The following NAA11 variants were observed in gnomAD, a reference collection of about 807,000 sequenced individuals.
NAA11 encodes the protein N-alpha-acetyltransferase 11.
In NAA11, 15 loss-of-function variants were observed where a neutral mutation model predicts 16.1. The observed-to-expected ratio is 0.93, with a 90% CI of 0.62 to 1.44. NAA11 has a LOEUF of 1.44. Among genes scored for constraint, NAA11 ranks in the 40% most tolerant of loss-of-function variants. The probability of loss-of-function intolerance (pLI) is 0.00; values close to 1 mark genes in which losing one functional copy is unlikely to be tolerated. For synonymous variants in NAA11, 122 were observed against 112.4 expected, an observed-to-expected ratio of 1.09 and a Z score of -0.54; for missense variants, 298 against 291.3, an observed-to-expected ratio of 1.02 and a Z score of -0.17.
chr4:79,228,094 C>G (rs1721367029), intron 2 of NAA11: 1 of 151,970 alleles, frequency 6.6e-6, no homozygotes, highest in South Asian at 2.1e-4. Flanking sequence ...TGCTCAATGC[C>G]TGTTGATAGA....
the NAA11 span, among the ~76,000 whole-genome samples, chr4:79,207,299 G>A: frequency 6.7e-6 from 1 of 148,756 alleles, no homozygotes; most frequent in African/African-American, 2.5e-5. Flanking sequence ...ATTCCAGAAG[G>A]TCTAATCTTT....
chr4:79,165,640 A>G, the NAA11 span, among the ~76,000 whole-genome samples: 5 of 152,290 alleles, frequency 3.3e-5, no homozygotes, highest in East Asian at 5.8e-4. Flanking sequence ...ATTTCACCCA[A>G]TGTTCTTCTT....
chr4:79,205,322 C>T, the NAA11 span, among the ~76,000 whole-genome samples: 4 of 151,702 alleles, frequency 2.6e-5, no homozygotes, highest in South Asian at 2.1e-4. Flanking sequence ...GCAGTTGTGC[C>T]GACATCTATT....
chr4:79,176,839 G>A, the NAA11 span, among the ~76,000 whole-genome samples: 4 of 152,104 alleles, frequency 2.6e-5, no homozygotes, highest in Admixed American at 2.6e-4. Flanking sequence ...TTCCATGCAC[G>A]TCCCAAGGAC....
intron 2 of NAA11, among the ~76,000 whole-genome samples, chr4:79,248,279 T>A (rs1721890659): frequency 6.6e-6 from 1 of 151,926 alleles, no homozygotes; most frequent in South Asian, 2.1e-4. Flanking sequence ...CGCCTGCACC[T>A]TCCCCCAACT....
intron 1 of NAA11, among the ~76,000 whole-genome samples, chr4:79,323,392 T>C (rs980590221): frequency 2.0e-5 from 3 of 152,174 alleles, no homozygotes; most frequent in Non-Finnish European, 4.4e-5. Context: ...AAGTGTGTAT[T>C]AAGAAGTACA....
downstream of NAA11, among the ~76,000 whole-genome samples, chr4:79,311,806 C>T (rs1385491663): frequency 6.6e-6 from 1 of 152,076 alleles, no homozygotes; most frequent in Non-Finnish European, 1.5e-5. Flanking sequence ...CCATCCCCAA[C>T]AATTATAAAG....
chr4:79,193,489 T>C, the NAA11 span, among the ~76,000 whole-genome samples: 1 of 152,210 alleles, frequency 6.6e-6, no homozygotes, highest in Non-Finnish European at 1.5e-5. Context: ...GGGAATCGTT[T>C]CCCCATTTCT....
chr4:79,262,617 G>A (rs1388107906), intron 2 of NAA11, among the ~76,000 whole-genome samples: 1 of 152,124 alleles, frequency 6.6e-6, no homozygotes, highest in Non-Finnish European at 1.5e-5. Context: ...CATGAGTCTT[G>A]CTACCAGAAG....
chr4:79,226,284 AAGAG>A (rs1469045581), intron 2 of NAA11: 2 of 152,036 alleles, frequency 1.3e-5, no homozygotes. Flanking sequence ...CAGAAGCAGA[AAGAG>A]AGAGAGTTGA....
At chr4:79,167,143 T>C in the NAA11 span, among the ~76,000 whole-genome samples, 1 of 65,610 alleles carries the variant, frequency 1.5e-5, no homozygotes, top group Non-Finnish European at 3.1e-5. Flanking sequence ...TATATATATA[T>C]ATATATATAT....
chr4:79,303,106 A>G (rs1209893321), intron 1 of NAA11, among the ~76,000 whole-genome samples: 2 of 124,868 alleles, frequency 1.6e-5, no homozygotes, highest in Non-Finnish European at 3.3e-5. Context: ...ATATATATAT[A>G]TATATATATA....
chr4:79,167,270 T>TATATATAG, the NAA11 span, among the ~76,000 whole-genome samples: 95 of 98,470 alleles, frequency 9.6e-4, no homozygotes, highest in African/African-American at 1.2e-3. Flanking sequence ...TATATATATA[T>TATATATAG]AGAGAGAGAG....
chr4:79,188,504 G>A, the NAA11 span, among the ~76,000 whole-genome samples: 2 of 151,898 alleles, frequency 1.3e-5, no homozygotes, highest in South Asian at 4.2e-4. Flanking sequence ...AGAATGGCGT[G>A]AAGCTGAGGG....
chr4:79,279,385 A>T (rs1722736294), intron 2 of NAA11, among the ~76,000 whole-genome samples: 1 of 152,124 alleles, frequency 6.6e-6, no homozygotes, highest in African/African-American at 2.4e-5. Flanking sequence ...AGTCAGGGTT[A>T]TATTGCAAGT....
intron 2 of NAA11, among the ~76,000 whole-genome samples, chr4:79,239,889 C>T (rs1208479339): frequency 6.6e-6 from 1 of 152,132 alleles, no homozygotes; most frequent in Non-Finnish European, 1.5e-5. Flanking sequence ...AGCCTATGAG[C>T]AAAGTGGCCA....
intron 1 of NAA11, among the ~76,000 whole-genome samples, chr4:79,323,447 G>A (rs1724161204): frequency 1.3e-5 from 2 of 152,178 alleles, no homozygotes; most frequent in Admixed American, 6.5e-5. Context: ...AGCACTTTGG[G>A]GGGCTGAGGC....
chr4:79,170,463 C>G, the NAA11 span, among the ~76,000 whole-genome samples: 1 of 152,230 alleles, frequency 6.6e-6, no homozygotes, highest in East Asian at 1.9e-4. Context: ...CATATTTTTG[C>G]TAAGACTTGA....
chr4:79,170,456 A>AT, the NAA11 span, among the ~76,000 whole-genome samples: 2 of 152,138 alleles, frequency 1.3e-5, no homozygotes, highest in Non-Finnish European at 2.9e-5. Context: ...GAAGAGCCAT[A>AT]TTTTTGCTAA....
Sources: gnomAD v4.1 joint callset for allele counts (sites outside exome capture counted in the v4.1 genomes callset) on GRCh38, gnomAD v4.1.1 for gene constraint, MANE v1.5 for transcripts, NCBI Gene and HGNC (gene_info 2026-07-23, HGNC 2026-07-21) for gene names.